Variants in ATP2B2 observed in about 807,000 individuals in gnomAD.
ATP2B2 encodes the protein plasma membrane calcium-transporting ATPase 2.
A neutral mutation model predicts 120.0 loss-of-function variants in ATP2B2; 15 were observed. The observed-to-expected ratio is 0.12, with a 90% CI of 0.08 to 0.19. ATP2B2 has a LOEUF of 0.19. ATP2B2 is among the 10% of genes least tolerant of loss of function. The pLI is 1.00. For missense variants in ATP2B2, 1,045 were observed against 1,719.8 expected (o/e 0.61, Z 6.94); for synonymous variants, 694 against 700.3 (o/e 0.99, Z 0.14).
intron 1 of ATP2B2, among the ~76,000 whole-genome samples, chr3:10,485,974 T>C (rs190443270): frequency 1.3e-5 from 2 of 152,204 alleles, no homozygotes; most frequent in Non-Finnish European, 2.9e-5. Context: ...GCCAGCGCCA[T>C]TGCGACATGG....
chr3:10,617,408 T>C (rs1224604791), intron 2 of ATP2B2, among the ~76,000 whole-genome samples: 1 of 152,192 alleles, frequency 6.6e-6, no homozygotes, highest in Non-Finnish European at 1.5e-5. Context: ...CTATAGTCAA[T>C]ACAAGAAAGT....
At chr3:10,408,326 A>G (rs112154175) in intron 3 of ATP2B2, among the ~76,000 whole-genome samples, 330 of 152,138 alleles carry the variant, frequency 2.2e-3, no homozygotes, top group African/African-American at 7.5e-3. Flanking sequence ...TGTCTGTCTC[A>G]GGGTTTTTTG....
intron 2 of ATP2B2, among the ~76,000 whole-genome samples, chr3:10,540,170 T>C (rs1459728830): frequency 6.6e-6 from 1 of 152,164 alleles, no homozygotes; most frequent in Non-Finnish European, 1.5e-5. Context: ...CACAATGAGA[T>C]ACCATCTCAC....
intron 5 of ATP2B2, among the ~76,000 whole-genome samples, chr3:10,393,384 G>T (rs1308469902): frequency 6.6e-6 from 1 of 152,114 alleles, no homozygotes; most frequent in African/African-American, 2.4e-5. Flanking sequence ...GGAAGGAAGA[G>T]AATATCTTTT....
intron 1 of ATP2B2, among the ~76,000 whole-genome samples, chr3:10,694,020 G>A (rs1316910186): frequency 6.6e-6 from 1 of 152,156 alleles, no homozygotes; most frequent in Non-Finnish European, 1.5e-5. Context: ...AAGTTGCAAG[G>A]AAATGTACAG....
intron 2 of ATP2B2, among the ~76,000 whole-genome samples, chr3:10,412,709 A>C (rs1262503406): frequency 6.6e-6 from 1 of 152,128 alleles, no homozygotes; most frequent in Non-Finnish European, 1.5e-5. Context: ...GACAAAGACC[A>C]GTCTGATTCC....
Position 10,497,387 on chromosome 3 carries a change from G to T in ATP2B2, c.-320+8078C>A, listed in dbSNP as rs555106837. ...CCTGGGCAAACCAGCATGCCTCTTGGCCCTTGGTTTTCTCAGCTATAAAGC... is the reference window on the plus strand; with the variant it reads ...CCTGGGCAAACCAGCATGCCTCTTGTCCCTTGGTTTTCTCAGCTATAAAGC... On this transcript the variant is annotated intron_variant, in intron 1 of 22. Transcript: ENST00000360273. Among the ~76,000 whole-genome samples the T allele has an allele frequency of 1.3e-4, 20 of 152,370 alleles. 1 individual carries two copies. In the South Asian group the frequency reaches 4.1e-3, roughly 32 times the overall value.
chr3:10,349,337 C>T (rs1168133679), intron 16 of ATP2B2, among the ~76,000 whole-genome samples: 1 of 152,154 alleles, frequency 6.6e-6, no homozygotes, highest in Non-Finnish European at 1.5e-5. Context: ...TGCCTGTAGT[C>T]CTAGCTACTT....
intron 2 of ATP2B2, among the ~76,000 whole-genome samples, chr3:10,545,697 T>C (rs2067531156): frequency 6.6e-6 from 1 of 152,210 alleles, no homozygotes; most frequent in Non-Finnish European, 1.5e-5. Flanking sequence ...ATCATAAAGA[T>C]GTTCATCATG....
chr3:10,374,978 T>C (rs2061342506), intron 11 of ATP2B2, among the ~76,000 whole-genome samples: 1 of 152,374 alleles, frequency 6.6e-6, no homozygotes, highest in South Asian at 2.1e-4. Context: ...GGCCTACGAC[T>C]GAGACCGCCA....
chr3:10,467,703 C>G lies in ATP2B2; in HGVS notation c.-319-17841G>C, dbSNP rs563901253. 2.6e-5 allele frequency among the ~76,000 whole-genome samples: 4 copies of G among 152,324 alleles called. No individual in the cohort carries two copies. The East Asian group carries it at 7.7e-4, about 29-fold the overall frequency. On this transcript the variant is annotated intron_variant, in intron 1 of 22. Transcript: ENST00000360273. ...CTGCTGTGTACCGAGCCCCAGCCTA[C>G]AGGTAGGATACCGTTACTGAACCGG...
chr3:10,529,499 G>T (rs1031330384), intron 3 of ATP2B2, among the ~76,000 whole-genome samples: 1 of 152,176 alleles, frequency 6.6e-6, no homozygotes, highest in Non-Finnish European at 1.5e-5. Context: ...AGATGCCAAT[G>T]GGCATCTCCT....
chr3:10,443,506 G>A (rs1279024862), intron 2 of ATP2B2, among the ~76,000 whole-genome samples: 1 of 152,152 alleles, frequency 6.6e-6, no homozygotes, highest in Non-Finnish European at 1.5e-5. Context: ...ATGAGGAAAG[G>A]CCTGGCTGCC....
chr3:10,573,386 G>T (rs527792037), intron 2 of ATP2B2, among the ~76,000 whole-genome samples: 2 of 152,262 alleles, frequency 1.3e-5, no homozygotes, highest in East Asian at 3.9e-4. Context: ...GCAGAACTTG[G>T]CACAGAGAGT....
chr3:10,669,700 C>T (rs2071043013), intron 1 of ATP2B2, among the ~76,000 whole-genome samples: 1 of 152,204 alleles, frequency 6.6e-6, no homozygotes. Flanking sequence ...CCCAGAGACC[C>T]TGGCCATGGT....
At position 10,327,072 on chromosome 3, in the gene ATP2B2, A is replaced by G. The variant is rs1171251577; in HGVS notation, c.*1742T>C. On this transcript the variant is annotated 3_prime_UTR_variant, in exon 23 of 23. Coordinates refer to ENST00000360273, the MANE Select transcript of ATP2B2 (RefSeq NM_001001331.4). ...TGTACAAGTTTATGGAAAAAAGATC[A>G]TATGCTGAAAAGTCTCAAAGCAAAC... The G allele has an allele frequency of 3.3e-5, 13 of 388,506 alleles. No individual in the cohort carries two copies. The highest frequency in any genetic ancestry group is 5.0e-5 in the Non-Finnish European group (11 of 220,256). 24.1% of individuals were successfully genotyped at this position (388,506 alleles called of 1,614,324 possible).
chr3:10,678,788 C>G (rs1287342717), intron 1 of ATP2B2, among the ~76,000 whole-genome samples: 1 of 152,154 alleles, frequency 6.6e-6, no homozygotes, highest in Admixed American at 6.5e-5. Flanking sequence ...TAAATCATCC[C>G]CCAGATTCCC....
rs77592304 is a variant in ATP2B2 at position 10,606,588 on chromosome 3, C to A, written c.-415+13329G>T. 4.6e-3 allele frequency among the ~76,000 whole-genome samples: 704 copies of A among 152,232 alleles called. 5 individuals carry two copies. The highest frequency in any genetic ancestry group is 0.024 in the Middle Eastern group (7 of 294). On this transcript the variant is annotated intron_variant, in intron 2 of 21. Transcript: ENST00000646379. ...TACTTAGTTAACTCTGGAAGTCAGT[C>A]TGAATCCTGTGGGTGGACGTGTGTG...
At chr3:10,707,720 A>C (rs1320317639) in intron 1 of ATP2B2, among the ~76,000 whole-genome samples, 1 of 148,830 alleles carries the variant, frequency 6.7e-6, no homozygotes, top group Non-Finnish European at 1.5e-5. Flanking sequence ...TGCCCGCTCA[A>C]GGTCACTGCT....
Sources: allele counts gnomAD v4.1 joint callset (sites outside exome capture counted in the v4.1 genomes callset), GRCh38; gene constraint gnomAD v4.1.1; transcripts MANE v1.5; gene names NCBI Gene and HGNC (gene_info 2026-07-23, HGNC 2026-07-21).